Variants in DIS3L2 observed in about 807,000 individuals in gnomAD.
DIS3L2 encodes DIS3 like 3'-5' exoribonuclease 2.
A neutral mutation model predicts 97.5 loss-of-function variants in DIS3L2; 34 were observed. That is an observed-to-expected ratio of 0.35 (90% CI 0.27 to 0.46). The LOEUF is 0.46. DIS3L2 is among the 20% of genes least tolerant of loss of function. The pLI is 1.00. For missense variants in DIS3L2, 1,038 were observed against 1,146.0 expected, an observed-to-expected ratio of 0.91 and a Z score of 1.36; for synonymous variants, 435 against 445.2, an observed-to-expected ratio of 0.98 and a Z score of 0.29.
chr2:232,032,961 C>G (rs1322624656), intron 5 of DIS3L2, among the ~76,000 whole-genome samples: 5 of 152,086 alleles, frequency 3.3e-5, no homozygotes, highest in Non-Finnish European at 5.9e-5. Flanking sequence ...TTAGGATTGT[C>G]TTGGCTATAT....
intron 14 of DIS3L2, among the ~76,000 whole-genome samples, chr2:232,320,507 G>A (rs1695401935): frequency 6.6e-6 from 1 of 152,198 alleles, no homozygotes; most frequent in South Asian, 2.1e-4. Flanking sequence ...TATACAGGCA[G>A]TAAGAATGTA....
chr2:232,241,016 G>C (rs886906418), intron 11 of DIS3L2, among the ~76,000 whole-genome samples: 3 of 152,230 alleles, frequency 2.0e-5, no homozygotes, highest in Non-Finnish European at 2.9e-5. Flanking sequence ...TGAAAGTGGG[G>C]AGCTGGGTGG....
chr2:231,990,845 A>G (rs1158518137), intron 1 of DIS3L2, among the ~76,000 whole-genome samples: 2 of 152,226 alleles, frequency 1.3e-5, no homozygotes, highest in Admixed American at 1.3e-4. Context: ...TGTATTACCA[A>G]GATGTGAATA....
intron 13 of DIS3L2, among the ~76,000 whole-genome samples, chr2:232,267,997 T>C (rs1332133179): frequency 6.6e-6 from 1 of 152,238 alleles, no homozygotes; most frequent in Non-Finnish European, 1.5e-5. Flanking sequence ...GTTCTCTCTC[T>C]AGCCTCTTCC....
intron 9 of DIS3L2, among the ~76,000 whole-genome samples, chr2:232,209,653 G>A (rs1692131962): frequency 6.6e-6 from 1 of 152,142 alleles, no homozygotes; most frequent in South Asian, 2.1e-4. Context: ...AGATCTTTAG[G>A]TGTTTACATG....
intron 13 of DIS3L2, among the ~76,000 whole-genome samples, chr2:232,286,151 C>T (rs1694424896): frequency 6.6e-6 from 1 of 152,184 alleles, no homozygotes; most frequent in African/African-American, 2.4e-5. Flanking sequence ...TGTGGAGGCA[C>T]ATCTGTTGAC....
chr2:231,991,768 G>C (rs1416690828), intron 1 of DIS3L2, among the ~76,000 whole-genome samples: 1 of 152,156 alleles, frequency 6.6e-6, no homozygotes, highest in Non-Finnish European at 1.5e-5. Flanking sequence ...TGGTGTAGAA[G>C]TAGGCAGAAG....
rs188798253 is a variant in DIS3L2 at position 232,202,747 on chromosome 2, C to T, written c.1125-7579C>T. Reference sequence around the variant, plus strand: ...GCTGGGGAAGTGGAGGCAAATGGACCAAGGTCACTTTCTGCTCTAAATAGA... The same window carrying T: ...GCTGGGGAAGTGGAGGCAAATGGACTAAGGTCACTTTCTGCTCTAAATAGA... On this transcript the variant is annotated intron_variant, in intron 9 of 20. Transcript: ENST00000325385. Among the ~76,000 whole-genome samples the T allele has an allele frequency of 4.6e-5, 7 of 152,282 alleles. No homozygotes were observed. In the East Asian group the frequency reaches 1.4e-3, roughly 29 times the overall value.
intron 6 of DIS3L2, among the ~76,000 whole-genome samples, chr2:232,106,267 A>G (rs746162090): frequency 6.6e-6 from 1 of 152,178 alleles, no homozygotes; most frequent in Non-Finnish European, 1.5e-5. Flanking sequence ...TTGACATGTG[A>G]TACTCTACCC....
intron 6 of DIS3L2, among the ~76,000 whole-genome samples, chr2:232,130,043 G>A (rs1203567965): frequency 1.3e-5 from 2 of 151,962 alleles, no homozygotes; most frequent in East Asian, 3.9e-4. Context: ...TTTTAAGAAA[G>A]GAAATTAAAC....
chr2:232,092,834 A>C (rs538144662), intron 6 of DIS3L2, among the ~76,000 whole-genome samples: 1 of 152,280 alleles, frequency 6.6e-6, no homozygotes, highest in South Asian at 2.1e-4. Context: ...TACCATCTGC[A>C]AGCAAGGATT....
intron 16 of DIS3L2, among the ~76,000 whole-genome samples, chr2:232,332,577 G>T (rs11695346): frequency 0.076 from 11,552 of 151,508 alleles, 929 homozygotes; most frequent in East Asian, 0.43. Flanking sequence ...AGCTTCAGGG[G>T]CTGTGGCCCC....
At position 232,160,046 on chromosome 2, in the gene DIS3L2, C is replaced by T. The variant is rs1006506297; in HGVS notation, c.951-3413C>T. ...TTTTCTTTTTCAATAACTGATATAC[C>T]TTTGTAAGAATTTTAAGTCTATGAG... On this transcript the variant is annotated intron_variant, in intron 8 of 20. Transcript: ENST00000325385. Among the ~76,000 whole-genome samples, 6 of 151,988 alleles carry T rather than the reference C, an allele frequency of 3.9e-5. No individual in the cohort carries two copies. In the East Asian group the frequency reaches 1.2e-3, roughly 29 times the overall value.
Position 232,128,451 on chromosome 2 carries a change from A to ATTTTT in DIS3L2, c.602-2144_602-2140dup, listed in dbSNP as rs10682281. 4.7e-3 allele frequency among the ~76,000 whole-genome samples: 340 copies of ATTTTT among 71,704 alleles called. 53 individuals carry two copies. The East Asian group carries it at 0.089, about 19-fold the overall frequency. 47.0% of individuals were successfully genotyped at this position (71,704 alleles called of 152,430 possible). The stretch of plus-strand genomic sequence containing the variant: ...TCTCATTAAATTGACAACTTTGCTA[A>ATTTTT]TTTTTTTTTTTTTTTTTTTTTTTTT... On this transcript the variant is annotated intron_variant, in intron 6 of 20. Transcript: ENST00000325385.
At chr2:232,278,843 A>G (rs917931125) in intron 13 of DIS3L2, among the ~76,000 whole-genome samples, 1 of 152,228 alleles carries the variant, frequency 6.6e-6, no homozygotes, top group Non-Finnish European at 1.5e-5. Flanking sequence ...TTGCTCGGTC[A>G]TATGGTTAAG....
intron 13 of DIS3L2, among the ~76,000 whole-genome samples, chr2:232,264,576 C>G (rs1433463719): frequency 6.6e-6 from 1 of 152,092 alleles, no homozygotes; most frequent in African/African-American, 2.4e-5. Context: ...TCCTTCCTTG[C>G]TTGTTGTGTG....
Position 232,025,545 on chromosome 2 carries a change from T to TTA in DIS3L2, c.264+1216_264+1217insAT, listed in dbSNP as rs1694633083. 2.6e-5 allele frequency among the ~76,000 whole-genome samples: 4 copies of TTA among 152,304 alleles called. No homozygotes were observed. In the South Asian group the frequency reaches 8.3e-4, roughly 32 times the overall value. On this transcript the variant is annotated intron_variant, in intron 4 of 20. Transcript: ENST00000325385. ...TTCACATTATTCTTTCTCAGTCATA[T>TTA]TCTGTTCCTGTTAGAGAAAATGGCA...
At chr2:232,125,343 C>T (rs1264303186) in intron 6 of DIS3L2, among the ~76,000 whole-genome samples, 1 of 152,210 alleles carries the variant, frequency 6.6e-6, no homozygotes. Flanking sequence ...TCAGGATGCT[C>T]ACTGGGTTGA....
chr2:232,314,542 A>G (rs1165066336), intron 14 of DIS3L2, among the ~76,000 whole-genome samples: 2 of 152,206 alleles, frequency 1.3e-5, no homozygotes, highest in African/African-American at 4.8e-5. Flanking sequence ...GGATGCCCCA[A>G]GAGATTTCCC....
Sources: gnomAD v4.1 joint callset for allele counts (sites outside exome capture counted in the v4.1 genomes callset) on GRCh38, gnomAD v4.1.1 for gene constraint, MANE v1.5 for transcripts, NCBI Gene and HGNC (gene_info 2026-07-23, HGNC 2026-07-21) for gene names.